MARCHF3: variants seen among roughly 807,000 people sequenced by gnomAD.
The protein encoded by MARCHF3 is E3 ubiquitin-protein ligase MARCHF3.
MARCHF3 carries 13 observed loss-of-function variants against 24.2 expected under a neutral mutation model. The observed-to-expected ratio is 0.54, with a 90% confidence interval of 0.35 to 0.85. The LOEUF is 0.85. Among genes scored for constraint, MARCHF3 ranks in the 40% least tolerant of loss-of-function variants. The probability of loss-of-function intolerance (pLI) is 0.01; values close to 1 mark genes in which losing one functional copy is unlikely to be tolerated. For missense variants in MARCHF3, 276 were observed against 325.0 expected (o/e 0.85, Z 1.16); for synonymous variants, 144 against 137.3 (o/e 1.05, Z -0.34).
chr5:126,989,215 C>T (rs1445247102), intron 1 of MARCHF3, among the ~76,000 whole-genome samples: 1 of 151,878 alleles, frequency 6.6e-6, no homozygotes, highest in Non-Finnish European at 1.5e-5. Context: ...GGTGTTTAAG[C>T]CTGCAGTCGG....
intron 4 of MARCHF3, among the ~76,000 whole-genome samples, chr5:126,873,356 T>G (rs954902129): frequency 5.3e-5 from 8 of 150,788 alleles, no homozygotes; most frequent in African/African-American, 2.0e-4. Flanking sequence ...TTGTGTGTCT[T>G]AAATATAAGA....
At chr5:127,027,235 T>G (rs970916581) in intron 1 of MARCHF3, among the ~76,000 whole-genome samples, 13 of 152,142 alleles carry the variant, frequency 8.5e-5, no homozygotes, top group Non-Finnish European at 1.3e-4. Flanking sequence ...ATTGGGCAGC[T>G]CAAAATACTC....
intron 1 of MARCHF3, among the ~76,000 whole-genome samples, chr5:126,964,012 G>C (rs1750726906): frequency 1.3e-5 from 2 of 152,176 alleles, no homozygotes; most frequent in Admixed American, 6.5e-5. Context: ...TGCTTGCTTG[G>C]ATCATGTGGT....
rs1266956480 is a variant in MARCHF3 at position 127,002,528 on chromosome 5, T to G, written c.-57+27822A>C. ...ATGGGCACAGAGATGGAAAGCAATTTCACCAGCCCCAAACTGGAGTAAACA... is the reference window on the plus strand; with the variant it reads ...ATGGGCACAGAGATGGAAAGCAATTGCACCAGCCCCAAACTGGAGTAAACA... On this transcript the variant is annotated intron_variant, in intron 1 of 4. Transcript: ENST00000308660. 3.3e-5 allele frequency among the ~76,000 whole-genome samples: 5 copies of G among 152,316 alleles called. No individual in the cohort carries two copies. The South Asian group carries it at 6.2e-4, about 19-fold the overall frequency.
intron 1 of MARCHF3, among the ~76,000 whole-genome samples, chr5:126,964,226 C>T (rs1750733355): frequency 1.3e-5 from 2 of 152,184 alleles, no homozygotes; most frequent in African/African-American, 4.8e-5. Flanking sequence ...AAACACAGCA[C>T]ACACAAAGGT....
intron 1 of MARCHF3, among the ~76,000 whole-genome samples, chr5:127,008,004 G>A (rs1752360858): frequency 6.6e-6 from 1 of 152,114 alleles, no homozygotes; most frequent in Non-Finnish European, 1.5e-5. Flanking sequence ...TCCTCCTTCA[G>A]AACACATCAT....
chr5:127,014,118 TGAAGAATA>T (rs1752557141), intron 1 of MARCHF3, among the ~76,000 whole-genome samples: 1 of 152,122 alleles, frequency 6.6e-6, no homozygotes, highest in Admixed American at 6.6e-5. Flanking sequence ...ACCAATAACC[TGAAGAATA>T]GAATATTTGC....
intron 1 of MARCHF3, among the ~76,000 whole-genome samples, chr5:126,961,201 C>G (rs1207468897): frequency 6.6e-6 from 1 of 152,106 alleles, no homozygotes; most frequent in East Asian, 1.9e-4. Flanking sequence ...ATATAGCAAG[C>G]ACAAACACAG....
At chr5:126,992,265 T>C (rs1422291445) in intron 1 of MARCHF3, among the ~76,000 whole-genome samples, 1 of 152,224 alleles carries the variant, frequency 6.6e-6, no homozygotes, top group Non-Finnish European at 1.5e-5. Flanking sequence ...TTTATCATTC[T>C]GTCCAAACTG....
At chr5:126,965,804 G>A (rs985427715) in intron 1 of MARCHF3, among the ~76,000 whole-genome samples, 2 of 152,196 alleles carry the variant, frequency 1.3e-5, no homozygotes, top group Admixed American at 6.5e-5. Context: ...TGGTGCAACT[G>A]TCTGGGAAAG....
intron 1 of MARCHF3, among the ~76,000 whole-genome samples, chr5:126,986,539 A>C (rs1013555544): frequency 6.6e-6 from 1 of 152,244 alleles, no homozygotes; most frequent in Non-Finnish European, 1.5e-5. Context: ...ACTTACTTCC[A>C]AATAAATAGG....
chr5:126,891,074 CA>C (rs1226268662), intron 3 of MARCHF3, among the ~76,000 whole-genome samples: 1 of 150,928 alleles, frequency 6.6e-6, no homozygotes, highest in Non-Finnish European at 1.5e-5. Context: ...TTTTTGACTG[CA>C]TAAATGTCTT....
chr5:127,013,595 C>T (rs1462611044), intron 1 of MARCHF3, among the ~76,000 whole-genome samples: 4 of 152,134 alleles, frequency 2.6e-5, no homozygotes, highest in African/African-American at 9.7e-5. Context: ...GAGGGAAGTA[C>T]GATGCAGACA....
At chr5:126,924,447 C>G (rs956878489) in intron 1 of MARCHF3, among the ~76,000 whole-genome samples, 6 of 152,172 alleles carry the variant, frequency 3.9e-5, no homozygotes, top group Non-Finnish European at 1.5e-5. Flanking sequence ...AGGAACTTTC[C>G]TCTCTGAGTT....
chr5:126,890,196 T>A (rs1006910521), intron 3 of MARCHF3, among the ~76,000 whole-genome samples: 2 of 152,214 alleles, frequency 1.3e-5, no homozygotes, highest in African/African-American at 4.8e-5. Flanking sequence ...CCTTTGATTA[T>A]GTTTAATGTT....
At chr5:126,929,901 T>A (rs189538731) in intron 1 of MARCHF3, among the ~76,000 whole-genome samples, 1 of 152,174 alleles carries the variant, frequency 6.6e-6, no homozygotes, top group Non-Finnish European at 1.5e-5. Context: ...TCTTTTTTGT[T>A]TGCTGCCTTG....
intron 3 of MARCHF3, among the ~76,000 whole-genome samples, chr5:126,886,388 T>C (rs950367414): frequency 1.3e-5 from 2 of 152,222 alleles, no homozygotes; most frequent in African/African-American, 4.8e-5. Context: ...GGATAAGATA[T>C]GGGCTCGGAG....
intron 1 of MARCHF3, among the ~76,000 whole-genome samples, chr5:126,944,425 C>A (rs1272134842): frequency 6.6e-6 from 1 of 152,040 alleles, no homozygotes; most frequent in East Asian, 1.9e-4. Context: ...TGGCAAAAAA[C>A]CATCTCTACC....
At chr5:126,874,480 G>A (rs974071700) in intron 4 of MARCHF3, among the ~76,000 whole-genome samples, 5 of 152,084 alleles carry the variant, frequency 3.3e-5, no homozygotes, top group African/African-American at 1.2e-4. Context: ...CAGCTACTTG[G>A]GAGGCTGAAG....
Sources: gnomAD v4.1 joint callset for allele counts (sites outside exome capture counted in the v4.1 genomes callset) on GRCh38, gnomAD v4.1.1 for gene constraint, MANE v1.5 for transcripts, NCBI Gene and HGNC (gene_info 2026-07-23, HGNC 2026-07-21) for gene names.